Variants in KCNIP4 observed in about 807,000 individuals in gnomAD.
KCNIP4 encodes the protein potassium voltage-gated channel interacting protein 4, also known as Kv channel-interacting protein 4.
Under a neutral mutation model 34.0 loss-of-function variants are expected in KCNIP4, and 12 were observed. The ratio of observed to expected loss-of-function variants is 0.35; its 90% CI spans 0.23 to 0.57. KCNIP4 has a LOEUF of 0.57. Among genes scored for constraint, KCNIP4 ranks in the 20% least tolerant of loss-of-function variants. The probability of loss-of-function intolerance (pLI) is 0.83; values close to 1 mark genes in which losing one functional copy is unlikely to be tolerated. For synonymous variants in KCNIP4, 124 were observed against 102.2 expected (o/e 1.21, Z -1.29); for missense variants, 238 against 311.7 (o/e 0.76, Z 1.78).
At chr4:21,387,072 A>G (rs965207552) in intron 1 of KCNIP4, among the ~76,000 whole-genome samples, 1 of 152,176 alleles carries the variant, frequency 6.6e-6, no homozygotes, top group African/African-American at 2.4e-5. Flanking sequence ...GGTTATTTCC[A>G]TGCCTAGACT....
At chr4:21,203,061 T>G (rs1756601404) in intron 1 of KCNIP4, among the ~76,000 whole-genome samples, 2 of 152,250 alleles carry the variant, frequency 1.3e-5, no homozygotes, top group Middle Eastern at 3.2e-3. Context: ...TCTCCTGAGC[T>G]GTAACCGTGC....
chr4:21,661,700 A>C (rs2108990920), intron 1 of KCNIP4, among the ~76,000 whole-genome samples: 1 of 152,152 alleles, frequency 6.6e-6, no homozygotes, highest in Non-Finnish European at 1.5e-5. Context: ...TTCTAGACAA[A>C]ATCTCTTCTC....
chr4:21,658,378 A>AACATCACATCACATCACATC (rs568463285), intron 1 of KCNIP4, among the ~76,000 whole-genome samples: 1 of 152,078 alleles, frequency 6.6e-6, no homozygotes, highest in Non-Finnish European at 1.5e-5. Context: ...CTGTGAAGAG[A>AACATCACATCACATCACATC]ACATCACATC....
chr4:20,893,845 G>A lies in KCNIP4; in HGVS notation c.62-11136C>T, dbSNP rs146066355. Among the ~76,000 whole-genome samples the A allele has an allele frequency of 3.9e-3, 593 of 152,054 alleles. 2 individuals carry two copies. Among genetic ancestry groups the A allele is most frequent in the Non-Finnish European group, 5.6e-3 (378 of 67,976 alleles). On this transcript the variant is annotated intron_variant, in intron 1 of 8. Transcript: ENST00000382152. ...AAACCTAATGTACTATTTCTTTTCCGCAAGCTAACACAAATAACTCTTATT... is the reference window on the plus strand; with the variant it reads ...AAACCTAATGTACTATTTCTTTTCCACAAGCTAACACAAATAACTCTTATT...
intron 1 of KCNIP4, among the ~76,000 whole-genome samples, chr4:20,897,116 G>T (rs1006353976): frequency 8.6e-5 from 13 of 151,808 alleles, no homozygotes; most frequent in Admixed American, 7.2e-4. Flanking sequence ...AGTAAATATT[G>T]TCCAGTTTTT....
At chr4:20,850,843 A>T in intron 2 of KCNIP4, 176 bp from the exon 3 acceptor site, 3 of 549,522 alleles carry the variant, frequency 5.5e-6, no homozygotes, top group Non-Finnish European at 8.8e-6. Flanking sequence ...GTATTAAGCT[A>T]AAACACTTGT....
chr4:21,093,998 G>C (rs925289771), intron 1 of KCNIP4, among the ~76,000 whole-genome samples: 37 of 151,974 alleles, frequency 2.4e-4, no homozygotes, highest in South Asian at 1.0e-3. Context: ...AGGAGAATGG[G>C]GTGAACCCGG....
chr4:20,869,947 G>A (rs917375305), intron 2 of KCNIP4, among the ~76,000 whole-genome samples: 3 of 152,054 alleles, frequency 2.0e-5, no homozygotes, highest in Non-Finnish European at 4.4e-5. Flanking sequence ...ACTATAAAAT[G>A]TTGTCAGGAG....
At chr4:21,899,237 C>G (rs1243645968) in intron 1 of KCNIP4, among the ~76,000 whole-genome samples, 1 of 152,056 alleles carries the variant, frequency 6.6e-6, no homozygotes, top group African/African-American at 2.4e-5. Context: ...AATCAACATC[C>G]CTTCATGATA....
chr4:21,441,246 A>G (rs1273135569), intron 1 of KCNIP4, among the ~76,000 whole-genome samples: 2 of 148,530 alleles, frequency 1.3e-5, no homozygotes, highest in African/African-American at 5.0e-5. Flanking sequence ...GCTTCATGCC[A>G]TTCTCCTGCC....
intron 1 of KCNIP4, among the ~76,000 whole-genome samples, chr4:21,940,778 A>G (rs2109019238): frequency 6.6e-6 from 1 of 152,260 alleles, no homozygotes; most frequent in Middle Eastern, 3.4e-3. Context: ...CTTCTCTCCA[A>G]ATTTAACTTG....
chr4:21,902,448 G>A (rs182663769), intron 1 of KCNIP4, among the ~76,000 whole-genome samples: 18 of 152,058 alleles, frequency 1.2e-4, no homozygotes, highest in Non-Finnish European at 1.6e-4. Context: ...ATAAAAGAAC[G>A]TGGTGGTCTG....
chr4:21,035,569 C>G (rs1741379251), intron 1 of KCNIP4, among the ~76,000 whole-genome samples: 1 of 152,238 alleles, frequency 6.6e-6, no homozygotes, highest in South Asian at 2.1e-4. Context: ...ATTGGACAAC[C>G]AAAAATTATG....
chr4:21,042,088 C>T (rs1348712629), intron 1 of KCNIP4, among the ~76,000 whole-genome samples: 1 of 152,214 alleles, frequency 6.6e-6, no homozygotes. Flanking sequence ...CTGGATTGAT[C>T]TAGGTCTCAG....
intron 1 of KCNIP4, among the ~76,000 whole-genome samples, chr4:21,349,991 T>C (rs994187503): frequency 1.3e-5 from 2 of 152,282 alleles, no homozygotes; most frequent in Admixed American, 6.5e-5. Context: ...TTATGAGCAA[T>C]GCCCAGCCAG....
intron 1 of KCNIP4, among the ~76,000 whole-genome samples, chr4:21,895,345 A>T (rs1185819419): frequency 6.6e-6 from 1 of 152,132 alleles, no homozygotes; most frequent in East Asian, 1.9e-4. Flanking sequence ...ATGGTACTTG[A>T]AATATAGAGT....
At chr4:21,582,908 T>G (rs1741341705) in intron 1 of KCNIP4, among the ~76,000 whole-genome samples, 1 of 151,904 alleles carries the variant, frequency 6.6e-6, no homozygotes, top group African/African-American at 2.4e-5. Flanking sequence ...ATGTTAAAAC[T>G]AGTGTGTGCA....
chr4:21,865,389 A>G (rs902320688), intron 1 of KCNIP4, among the ~76,000 whole-genome samples: 3 of 151,996 alleles, frequency 2.0e-5, no homozygotes, highest in Non-Finnish European at 4.4e-5. Flanking sequence ...GAAAGGATAG[A>G]ACAAGACAGG....
chr4:21,845,540 A>G (rs1030030777), intron 1 of KCNIP4: 3 of 152,222 alleles, frequency 2.0e-5, no homozygotes, highest in South Asian at 2.1e-4. Context: ...TTCCAAAAGC[A>G]TAAGAGCAGA....
Sources: allele counts gnomAD v4.1 joint callset (sites outside exome capture counted in the v4.1 genomes callset), GRCh38; gene constraint gnomAD v4.1.1; transcripts MANE v1.5; gene names NCBI Gene and HGNC (gene_info 2026-07-23, HGNC 2026-07-21).